KCNIP4: variants seen among roughly 807,000 people sequenced by gnomAD.
The protein encoded by KCNIP4 is potassium voltage-gated channel interacting protein 4.
In KCNIP4, 12 loss-of-function variants were observed where a neutral mutation model predicts 34.0. The observed-to-expected ratio is 0.35, with a 90% confidence interval of 0.23 to 0.57. KCNIP4 has a LOEUF of 0.57. KCNIP4 is among the 20% of genes least tolerant of loss of function. The pLI is 0.83. For synonymous variants in KCNIP4, 124 were observed against 102.2 expected (o/e 1.21, Z -1.29); for missense variants, 238 against 311.7 (o/e 0.76, Z 1.78).
At chr4:21,087,712 C>T (rs1321610828) in intron 1 of KCNIP4, among the ~76,000 whole-genome samples, 1 of 152,124 alleles carries the variant, frequency 6.6e-6, no homozygotes, top group Non-Finnish European at 1.5e-5. Context: ...TCGCTCTTGC[C>T]AACATTTCAC....
chr4:21,206,350 G>A (rs1756851813), intron 1 of KCNIP4, among the ~76,000 whole-genome samples: 1 of 152,186 alleles, frequency 6.6e-6, no homozygotes, highest in African/African-American at 2.4e-5. Flanking sequence ...CATACTAAGT[G>A]GCTTTGACCC....
chr4:21,088,119 T>TC (rs1746633866), intron 1 of KCNIP4, among the ~76,000 whole-genome samples: 2 of 128,964 alleles, frequency 1.6e-5, no homozygotes, highest in African/African-American at 7.5e-5. Flanking sequence ...TCTGAAATGT[T>TC]GGCCCCCTTC....
intron 1 of KCNIP4, chr4:21,848,829 T>C (rs1724184085): frequency 6.6e-6 from 1 of 152,084 alleles, no homozygotes; most frequent in Non-Finnish European, 1.5e-5. Flanking sequence ...TGGGAAAATA[T>C]GTTCACTCTG....
At chr4:21,365,463 G>A (rs764468555) in intron 1 of KCNIP4, among the ~76,000 whole-genome samples, 5 of 145,152 alleles carry the variant, frequency 3.4e-5, no homozygotes, top group Non-Finnish European at 7.6e-5. Flanking sequence ...GGATAACAGA[G>A]TGAGACTGTC....
At chr4:20,871,478 A>C (rs530663222) in intron 2 of KCNIP4, among the ~76,000 whole-genome samples, 1 of 152,250 alleles carries the variant, frequency 6.6e-6, no homozygotes, top group East Asian at 1.9e-4. Context: ...AAAAAAATTA[A>C]AAGGGCCAGG....
chr4:21,047,489 A>G (rs1560675310), intron 1 of KCNIP4, among the ~76,000 whole-genome samples: 1 of 152,190 alleles, frequency 6.6e-6, no homozygotes. Flanking sequence ...AGGAGGTATT[A>G]TTTTTAACAC....
intron 1 of KCNIP4, among the ~76,000 whole-genome samples, chr4:21,151,112 A>G (rs1413381026): frequency 6.6e-6 from 1 of 152,218 alleles, no homozygotes; most frequent in Non-Finnish European, 1.5e-5. Flanking sequence ...TGTTTGCCAA[A>G]GGAAATACCT....
At chr4:20,840,657 T>TCG (rs1719612101) in intron 3 of KCNIP4, among the ~76,000 whole-genome samples, 2 of 152,086 alleles carry the variant, frequency 1.3e-5, no homozygotes, top group Non-Finnish European at 2.9e-5. Flanking sequence ...CCTCAATAAA[T>TCG]GAGTTGAACA....
intron 1 of KCNIP4, among the ~76,000 whole-genome samples, chr4:21,397,007 C>T (rs937584097): frequency 6.6e-6 from 1 of 152,220 alleles, no homozygotes; most frequent in South Asian, 2.1e-4. Flanking sequence ...AATCTCACAA[C>T]ATCTTTTCCC....
chr4:21,054,012 T>TTGTACATATTGACAAAA (rs1560680476), intron 1 of KCNIP4, among the ~76,000 whole-genome samples: 1 of 148,548 alleles, frequency 6.7e-6, no homozygotes, highest in African/African-American at 2.5e-5. Context: ...CAAAATGATT[T>TTGTACATATTGACAAAA]TGTAGATATT....
At chr4:21,628,172 G>A (rs1246260813) in intron 1 of KCNIP4, among the ~76,000 whole-genome samples, 3 of 152,016 alleles carry the variant, frequency 2.0e-5, no homozygotes, top group African/African-American at 4.8e-5. Context: ...TTTAGAAAAA[G>A]ATATTTCCCC....
intron 1 of KCNIP4, among the ~76,000 whole-genome samples, chr4:21,841,079 A>C (rs1054822610): frequency 2.6e-5 from 4 of 152,178 alleles, no homozygotes; most frequent in African/African-American, 7.2e-5. Flanking sequence ...TGTTTCATAA[A>C]ATTTATTTTT....
At chr4:21,571,377 A>C (rs973989602) in intron 1 of KCNIP4, among the ~76,000 whole-genome samples, 3 of 152,200 alleles carry the variant, frequency 2.0e-5, no homozygotes, top group Admixed American at 2.0e-4. Context: ...ATCCATGCAG[A>C]CCTGATCCTA....
At chr4:21,569,985 C>G (rs1315358247) in intron 1 of KCNIP4, among the ~76,000 whole-genome samples, 2 of 151,942 alleles carry the variant, frequency 1.3e-5, no homozygotes, top group East Asian at 1.9e-4. Flanking sequence ...GGTACTCCCC[C>G]CACTCAGGTA....
chr4:21,749,779 T>C (rs1357840957), intron 1 of KCNIP4, among the ~76,000 whole-genome samples: 2 of 152,160 alleles, frequency 1.3e-5, no homozygotes, highest in Admixed American at 1.3e-4. Flanking sequence ...CATGCCTGTT[T>C]GGAGCACACA....
intron 1 of KCNIP4, among the ~76,000 whole-genome samples, chr4:21,344,859 T>A (rs939543292): frequency 6.6e-6 from 1 of 152,210 alleles, no homozygotes; most frequent in Admixed American, 6.5e-5. Context: ...CCTATGTTAG[T>A]GCTCTCTTCA....
At chr4:21,770,732 C>T (rs370748368) in intron 1 of KCNIP4, among the ~76,000 whole-genome samples, 6 of 152,244 alleles carry the variant, frequency 3.9e-5, no homozygotes, top group South Asian at 4.2e-4. Context: ...TTGTTGACCA[C>T]GTAAATGTCT....
In KCNIP4 at chr4:21,405,148, C is replaced by T. The variant is rs537416923; in HGVS notation, c.62-522439G>A. Among the ~76,000 whole-genome samples the T allele has an allele frequency of 2.6e-5, 4 of 152,230 alleles. No homozygotes were observed. In the South Asian group the frequency reaches 8.3e-4, roughly 32 times the overall value. ...CAAGACACTTGTTAGGTTGGTTTGGCCAGAATCCCGTCTCCCTGAAGTTCT... is the reference window on the plus strand; with the variant it reads ...CAAGACACTTGTTAGGTTGGTTTGGTCAGAATCCCGTCTCCCTGAAGTTCT... On this transcript the variant is annotated intron_variant, in intron 1 of 8. Transcript: ENST00000382152.
chr4:21,627,937 T>C (rs1451743132), intron 1 of KCNIP4, among the ~76,000 whole-genome samples: 2 of 152,158 alleles, frequency 1.3e-5, no homozygotes, highest in African/African-American at 4.8e-5. Context: ...ATGCAACGAA[T>C]GGAATTTACT....
Sources: gnomAD v4.1 joint callset for allele counts (sites outside exome capture counted in the v4.1 genomes callset) on GRCh38, gnomAD v4.1.1 for gene constraint, MANE v1.5 for transcripts, NCBI Gene and HGNC (gene_info 2026-07-23, HGNC 2026-07-21) for gene names.